Variants in CFAP61 observed in about 807,000 individuals in gnomAD.
The protein encoded by CFAP61 is cilia and flagella associated protein 61.
Under a neutral mutation model 135.6 loss-of-function variants are expected in CFAP61, and 107 were observed. That is an observed-to-expected ratio of 0.79 (90% CI 0.67 to 0.93). The LOEUF (loss-of-function observed/expected upper bound fraction) is 0.93. Among genes scored for constraint, CFAP61 ranks in the 40% least tolerant of loss-of-function variants. The probability of loss-of-function intolerance (pLI) is 0.00; values close to 1 mark genes in which losing one functional copy is unlikely to be tolerated. For synonymous variants in CFAP61, 575 were observed against 578.5 expected, an observed-to-expected ratio of 0.99 and a Z score of 0.09; for missense variants, 1,507 against 1,556.2, an observed-to-expected ratio of 0.97 and a Z score of 0.53.
At chr20:20,108,427 G>A (rs1465833821) in intron 8 of CFAP61, among the ~76,000 whole-genome samples, 1 of 152,130 alleles carries the variant, frequency 6.6e-6, no homozygotes, top group East Asian at 1.9e-4. Context: ...ACAAGGAGAT[G>A]GCTAAACTTG....
intron 8 of CFAP61, among the ~76,000 whole-genome samples, chr20:20,120,755 G>A (rs1246810733): frequency 2.6e-5 from 4 of 152,102 alleles, no homozygotes; most frequent in Non-Finnish European, 5.9e-5. Flanking sequence ...CTATTACGTT[G>A]CAGTCTATCT....
intron 18 of CFAP61, among the ~76,000 whole-genome samples, chr20:20,242,285 GA>G (rs922198597): frequency 1.7e-4 from 25 of 151,362 alleles, no homozygotes; most frequent in Middle Eastern, 3.4e-3. Flanking sequence ...AGAGATTTTA[GA>G]AAAAAAAATC....
intron 8 of CFAP61, among the ~76,000 whole-genome samples, chr20:20,132,321 A>G (rs1362816336): frequency 2.0e-5 from 3 of 151,972 alleles, no homozygotes; most frequent in African/African-American, 4.8e-5. Context: ...TTCTTTATCC[A>G]TCCAGGATAT....
chr20:20,228,125 C>G (rs2146946795), intron 17 of CFAP61, 124 bp from the exon 18 acceptor site: 1 of 682,258 alleles, frequency 1.5e-6, no homozygotes, highest in South Asian at 3.0e-5. Context: ...TGTACATGGG[C>G]ACTATTAGGT....
At chr20:20,302,551 C>A (rs2424338) in intron 25 of CFAP61, among the ~76,000 whole-genome samples, 131,008 of 152,232 alleles carry the variant, frequency 0.86, 56,577 homozygotes, top group African/African-American at 0.93. Context: ...AATCCTGGCT[C>A]TTTGAAAGGC....
In CFAP61 at chr20:20,249,195, A is replaced by C. The variant is rs371221451; in HGVS notation, c.2160-2400A>C. Among the ~76,000 whole-genome samples, 5 of 152,214 alleles carry C rather than the reference A, an allele frequency of 3.3e-5. No individual in the cohort carries two copies. In the East Asian group the frequency reaches 9.6e-4, roughly 29 times the overall value. On this transcript the variant is annotated intron_variant, in intron 19 of 26. Coordinates refer to ENST00000245957, the MANE Select transcript of CFAP61 (RefSeq NM_015585.4). The stretch of plus-strand genomic sequence containing the variant: ...GTTTCACTCAACTGGTGAGGAAATT[A>C]AGGAAGGTCCAGAATGGATAGTAAT...
intron 8 of CFAP61, among the ~76,000 whole-genome samples, chr20:20,108,912 A>G (rs1171852537): frequency 6.6e-6 from 1 of 152,230 alleles, no homozygotes; most frequent in Non-Finnish European, 1.5e-5. Context: ...CAAAGACACC[A>G]GTTACATTTC....
intron 21 of CFAP61, chr20:20,265,740 G>T: frequency 2.2e-6 from 1 of 458,350 alleles, no homozygotes; most frequent in East Asian, 3.7e-5. Flanking sequence ...ACCTGACCTG[G>T]CCAAGTTCAT....
At chr20:20,251,563 A>G in intron 19 of CFAP61, 32 bp from the exon 20 acceptor site, 2 of 1,609,468 alleles carry the variant, frequency 1.2e-6, no homozygotes, top group South Asian at 2.2e-5. Context: ...TCAGCTGCTC[A>G]GATGTCACTT....
chr20:20,259,235 G>T (rs964510517), intron 20 of CFAP61, among the ~76,000 whole-genome samples: 3 of 145,194 alleles, frequency 2.1e-5, no homozygotes, highest in African/African-American at 7.6e-5. Context: ...AGGAACCCAG[G>T]CCCTTCCATC....
At chr20:20,212,300 C>G (rs571582130) in intron 17 of CFAP61, among the ~76,000 whole-genome samples, 1 of 152,196 alleles carries the variant, frequency 6.6e-6, no homozygotes, top group Non-Finnish European at 1.5e-5. Flanking sequence ...GTCCCTCTCT[C>G]CCTCCAGCCA....
At chr20:20,283,137 G>T (rs2054326276) in intron 22 of CFAP61, among the ~76,000 whole-genome samples, 2 of 152,000 alleles carry the variant, frequency 1.3e-5, no homozygotes, top group Non-Finnish European at 2.9e-5. Context: ...CTGAGAGAAG[G>T]GTATTAAAAT....
intron 25 of CFAP61, among the ~76,000 whole-genome samples, chr20:20,340,411 A>G (rs1000071988): frequency 1.3e-4 from 20 of 152,192 alleles, no homozygotes; most frequent in Admixed American, 5.2e-4. Context: ...TAGGGCAGTG[A>G]CGCTCTTCTG....
At chr20:20,304,857 C>T (rs541395817) in intron 25 of CFAP61, among the ~76,000 whole-genome samples, 1 of 152,202 alleles carries the variant, frequency 6.6e-6, no homozygotes, top group East Asian at 1.9e-4. Flanking sequence ...CTCGGCTTTC[C>T]TGACTCCACT....
intron 9 of CFAP61, among the ~76,000 whole-genome samples, chr20:20,147,781 T>TG: frequency 1.3e-5 from 2 of 152,126 alleles, no homozygotes; most frequent in Middle Eastern, 6.8e-3. Context: ...TTTGTTTTTT[T>TG]TTTTGCATTT....
At chr20:20,341,219 A>G (rs1022936894) in intron 25 of CFAP61, among the ~76,000 whole-genome samples, 6 of 152,180 alleles carry the variant, frequency 3.9e-5, no homozygotes, top group Non-Finnish European at 8.8e-5. Flanking sequence ...GTTATTCCAA[A>G]AATGCATCAA....
Position 20,246,329 on chromosome 20 carries a change from T to C in CFAP61, c.2159+114T>C, listed in dbSNP as rs2050455424. On this transcript the variant is annotated intron_variant, in intron 19 of 26. Coordinates refer to ENST00000245957, the MANE Select transcript of CFAP61 (RefSeq NM_015585.4). ...TGGAAAAGGAGAAGTGGTGGGGCTTTTCTACTGGAGTTCAGACATCACTTA... is the reference window on the plus strand; with the variant it reads ...TGGAAAAGGAGAAGTGGTGGGGCTTCTCTACTGGAGTTCAGACATCACTTA... The C allele has an allele frequency of 1.5e-5, 11 of 753,436 alleles. No individual in the cohort carries two copies. The South Asian group carries it at 1.7e-4, about 11-fold the overall frequency. The allele number at this position is 753,436 out of a possible 1,614,324, so 46.7% of individuals were successfully genotyped here.
chr20:20,054,005 T>G (rs28535774), intron 1 of CFAP61, among the ~76,000 whole-genome samples: 1 of 113,010 alleles, frequency 8.8e-6, no homozygotes, highest in African/African-American at 3.5e-5. Context: ...TGTGTGTTTT[T>G]TTTGTTTGTT....
intron 17 of CFAP61, among the ~76,000 whole-genome samples, chr20:20,217,000 C>T (rs1308280501): frequency 6.6e-6 from 1 of 152,188 alleles, no homozygotes; most frequent in Non-Finnish European, 1.5e-5. Context: ...GACGTTTCTG[C>T]TTAGCTCTCT....
Sources: gnomAD v4.1 joint callset for allele counts (sites outside exome capture counted in the v4.1 genomes callset) on GRCh38, gnomAD v4.1.1 for gene constraint, MANE v1.5 for transcripts, NCBI Gene and HGNC (gene_info 2026-07-23, HGNC 2026-07-21) for gene names.